Variants in ADGRB3 observed in about 807,000 individuals in gnomAD.
The protein encoded by ADGRB3 is adhesion G protein-coupled receptor B3, also known as brain-specific angiogenesis inhibitor 3.
In ADGRB3, 37 loss-of-function variants were observed where a neutral mutation model predicts 193.4. That is an observed-to-expected ratio of 0.19 (90% confidence interval 0.15 to 0.25). ADGRB3 has a LOEUF of 0.25. Ranked by LOEUF, ADGRB3 falls within the 10% of genes least tolerant of loss-of-function variation. The pLI, the probability that ADGRB3 is intolerant of heterozygous loss-of-function variation, is 1.00. For synonymous variants in ADGRB3, 690 were observed against 644.2 expected, an observed-to-expected ratio of 1.07 and a Z score of -1.08; for missense variants, 1,637 against 1,852.9, an observed-to-expected ratio of 0.88 and a Z score of 2.14.
At chr6:69,010,912 C>T (rs142912159) in intron 11 of ADGRB3, among the ~76,000 whole-genome samples, 2 of 152,024 alleles carry the variant, frequency 1.3e-5, no homozygotes, top group Non-Finnish European at 2.9e-5. Flanking sequence ...ACTATTATCA[C>T]CATTAATGGA....
rs567011387 is a variant in ADGRB3, at chr6:69,194,548, A to G, written c.2481-38742A>G. Among the ~76,000 whole-genome samples, 9 of 152,236 alleles carry G rather than the reference A, an allele frequency of 5.9e-5. No individual in the cohort carries two copies. The South Asian group carries it at 1.9e-3, about 32-fold the overall frequency. On this transcript the variant is annotated intron_variant, in intron 17 of 31. Coordinates refer to ENST00000370598, the MANE Select transcript of ADGRB3 (RefSeq NM_001704.3). ...CCAAAATCAGTTTTGATTGCGTGAG[A>G]ATGGGCTTGAAAGTGAGATGTATTG...
At chr6:68,852,931 G>A (rs1768435865) in intron 3 of ADGRB3, among the ~76,000 whole-genome samples, 1 of 151,922 alleles carries the variant, frequency 6.6e-6, no homozygotes, top group Non-Finnish European at 1.5e-5. Flanking sequence ...TAAAATGCCA[G>A]GAATGGAAAC....
chr6:68,970,377 C>T (rs946038486), intron 8 of ADGRB3, among the ~76,000 whole-genome samples: 12 of 151,716 alleles, frequency 7.9e-5, no homozygotes, highest in African/African-American at 1.7e-4. Context: ...CCCTGCCTCC[C>T]GGGTTCAAGC....
chr6:68,897,972 A>G (rs1485496808), intron 3 of ADGRB3, among the ~76,000 whole-genome samples: 2 of 147,658 alleles, frequency 1.4e-5, no homozygotes, highest in Non-Finnish European at 3.0e-5. Context: ...TAATAATTAT[A>G]TATAATATTA....
intron 3 of ADGRB3, among the ~76,000 whole-genome samples, chr6:68,885,883 A>G (rs1410179347): frequency 6.6e-6 from 1 of 152,176 alleles, no homozygotes; most frequent in African/African-American, 2.4e-5. Flanking sequence ...TAGAGTCAAA[A>G]TCCTAGACTA....
chr6:69,168,775 C>T lies in ADGRB3; in HGVS notation c.2481-64515C>T, dbSNP rs1167938785. ...TAGAATTACTCATATCATACCAAAT[C>T]ATTGACAGAATATCATTTTGTCCTC... On this transcript the variant is annotated intron_variant, in intron 17 of 31. Transcript: ENST00000370598. Among the ~76,000 whole-genome samples the T allele has an allele frequency of 2.0e-5, 3 of 152,054 alleles. 1 individual carries two copies. The highest frequency in any genetic ancestry group is 2.0e-4 in the Admixed American group (3 of 15,254).
chr6:68,676,891 C>T (rs1425381175), intron 3 of ADGRB3, among the ~76,000 whole-genome samples: 1 of 151,958 alleles, frequency 6.6e-6, no homozygotes, highest in African/African-American at 2.4e-5. Context: ...TTTCTAAATT[C>T]TAATAGTCCC....
At chr6:68,966,132 C>A (rs920936931) in intron 8 of ADGRB3, among the ~76,000 whole-genome samples, 1 of 152,096 alleles carries the variant, frequency 6.6e-6, no homozygotes, top group African/African-American at 2.4e-5. Context: ...AACCTGAGTT[C>A]TGTGTTTTAT....
chr6:68,814,952 A>C (rs913450717), intron 3 of ADGRB3, among the ~76,000 whole-genome samples: 1 of 152,008 alleles, frequency 6.6e-6, no homozygotes, highest in African/African-American at 2.4e-5. Context: ...CATGCTAAAA[A>C]CTCTCAATAA....
At chr6:68,993,630 C>T in intron 10 of ADGRB3, 138 bp from the exon 11 acceptor site, 1 of 844,782 alleles carries the variant, frequency 1.2e-6, no homozygotes, top group Non-Finnish European at 1.9e-6. Context: ...ACACAATTTA[C>T]AGTTTTCAAA....
intron 13 of ADGRB3, 49 bp from the exon 14 acceptor site, chr6:69,048,136 C>A: frequency 2.5e-6 from 4 of 1,570,428 alleles, no homozygotes; most frequent in Non-Finnish European, 3.5e-6. Context: ...ACTGATTACA[C>A]TAAAATGTAA....
intron 3 of ADGRB3, among the ~76,000 whole-genome samples, chr6:68,647,946 C>G (rs994362951): frequency 4.6e-5 from 7 of 151,972 alleles, no homozygotes; most frequent in Middle Eastern, 3.4e-3. Context: ...TAATTAGATA[C>G]TAAAAAAAAT....
chr6:69,164,056 G>A (rs1458286841), intron 17 of ADGRB3, among the ~76,000 whole-genome samples: 1 of 152,018 alleles, frequency 6.6e-6, no homozygotes, highest in Non-Finnish European at 1.5e-5. Context: ...TGAAGGTGAG[G>A]TATTGTCTAA....
intron 17 of ADGRB3, among the ~76,000 whole-genome samples, chr6:69,100,262 A>G (rs866435823): frequency 6.6e-5 from 10 of 152,218 alleles, no homozygotes; most frequent in South Asian, 2.1e-4. Flanking sequence ...CTTTCTATTA[A>G]TCTTCTTACT....
intron 3 of ADGRB3, among the ~76,000 whole-genome samples, chr6:68,763,009 T>A (rs1037293462): frequency 2.0e-5 from 3 of 152,220 alleles, no homozygotes; most frequent in Admixed American, 6.5e-5. Context: ...GTCATTTAGG[T>A]TGTTTTAATT....
At chr6:68,996,971 A>G (rs1224611484) in intron 11 of ADGRB3, among the ~76,000 whole-genome samples, 2 of 152,210 alleles carry the variant, frequency 1.3e-5, no homozygotes, top group African/African-American at 4.8e-5. Flanking sequence ...CCAGTAGAAA[A>G]TGATGAGAAA....
chr6:68,958,870 AGTGTGTGTGTGTGTGTGTGT>A (rs66559521), intron 8 of ADGRB3, among the ~76,000 whole-genome samples: 4 of 147,234 alleles, frequency 2.7e-5, no homozygotes, highest in South Asian at 4.3e-4. Flanking sequence ...AAAGAAAAAT[AGTGTGTGTGTGTGTGTGTGT>A]GTGTGTGTGT....
intron 3 of ADGRB3, among the ~76,000 whole-genome samples, chr6:68,926,694 T>C (rs1432293459): frequency 1.3e-5 from 2 of 152,162 alleles, no homozygotes; most frequent in African/African-American, 4.8e-5. Flanking sequence ...TCTATCGATG[T>C]GCTTGTCTGT....
intron 12 of ADGRB3, 47 bp downstream of exon 12, chr6:69,014,153 T>TA (rs1279177169): frequency 1.5e-6 from 2 of 1,363,420 alleles, no homozygotes; most frequent in East Asian, 2.3e-5. Flanking sequence ...AAACAAAGTG[T>TA]AAAAAATATG....
Sources: allele counts gnomAD v4.1 joint callset (sites outside exome capture counted in the v4.1 genomes callset), GRCh38; gene constraint gnomAD v4.1.1; transcripts MANE v1.5; gene names NCBI Gene and HGNC (gene_info 2026-07-23, HGNC 2026-07-21).